MCPH1: variants seen among roughly 807,000 people sequenced by gnomAD.
MCPH1 encodes microcephalin.
A neutral mutation model predicts 84.5 loss-of-function variants in MCPH1; 104 were observed. The observed-to-expected ratio is 1.23, with a 90% CI of 1.05 to 1.45. The LOEUF (loss-of-function observed/expected upper bound fraction) is 1.45. MCPH1 is among the 40% of genes most tolerant of loss of function. The probability of loss-of-function intolerance (pLI) is 0.00; values close to 1 mark genes in which losing one functional copy is unlikely to be tolerated. For missense variants in MCPH1, 1,498 were observed against 1,005.7 expected (o/e 1.49, Z -6.62); for synonymous variants, 514 against 366.8 (o/e 1.40, Z -4.58).
At position 6,408,804 on chromosome 8, in the gene MCPH1, C is replaced by T. The variant is rs78131140; in HGVS notation, c.23-475C>T. Among the ~76,000 whole-genome samples, 3,399 of 152,254 alleles carry T rather than the reference C, an allele frequency of 0.022. 252 individuals carry two copies. In the East Asian group the frequency reaches 0.25, roughly 11 times the overall value. On this transcript the variant is annotated intron_variant, in intron 1 of 13. Coordinates refer to ENST00000344683, the MANE Select transcript of MCPH1 (RefSeq NM_024596.5). ...TCTCAAACTTCTGTGCCCAAGTGAT[C>T]CCACTGCCTTGGCCTTCCAGAGTGC...
At chr8:6,641,867 T>C (rs1467527799) in intron 13 of MCPH1, among the ~76,000 whole-genome samples, 1 of 152,224 alleles carries the variant, frequency 6.6e-6, no homozygotes, top group Non-Finnish European at 1.5e-5. Flanking sequence ...CTATATCATT[T>C]CTTATATATA....
intron 12 of MCPH1, among the ~76,000 whole-genome samples, chr8:6,575,028 G>A (rs1321388771): frequency 1.3e-5 from 2 of 152,226 alleles, no homozygotes; most frequent in Non-Finnish European, 2.9e-5. Context: ...CAGCTGCACA[G>A]ATAGGATTCT....
chr8:6,647,907 C>G lies in MCPH1; in HGVS notation c.*4858C>G, dbSNP rs1277978443. ...AGCCTTAAGGCATGTGAATTATACA[C>G]CAATAAAGCTATTTTTTTTAAAAAA... On this transcript the variant is annotated 3_prime_UTR_variant, in exon 14 of 14. Transcript: ENST00000344683. The G allele has an allele frequency of 6.6e-6, 1 of 151,686 alleles. No homozygotes were observed. The highest frequency in any genetic ancestry group is 1.5e-5 in the Non-Finnish European group (1 of 67,920). The allele number at this position is 151,686 out of a possible 1,614,324, so 9.4% of individuals were successfully genotyped here.
At chr8:6,640,752 C>T (rs528423139) in intron 13 of MCPH1, among the ~76,000 whole-genome samples, 1 of 152,300 alleles carries the variant, frequency 6.6e-6, no homozygotes, top group South Asian at 2.1e-4. Context: ...AAAGGCCTTC[C>T]TCACCCTCTG....
At chr8:6,502,312 ATTTAATTACTAAAAATACCTT>A (rs1367853701) in intron 12 of MCPH1, 2 of 152,198 alleles carry the variant, frequency 1.3e-5, no homozygotes, top group African/African-American at 4.8e-5. Context: ...AATAAGTTAT[ATTTAATTACTAAAAATACCTT>A]CATATTTAAC....
intron 12 of MCPH1, among the ~76,000 whole-genome samples, chr8:6,554,271 G>C (rs1005460105): frequency 1.3e-5 from 2 of 149,646 alleles, no homozygotes; most frequent in Non-Finnish European, 3.0e-5. Context: ...ACAAAATTGA[G>C]AAATAGACCC....
intron 2 of MCPH1, among the ~76,000 whole-genome samples, chr8:6,412,066 T>C (rs1362765077): frequency 6.6e-6 from 1 of 152,132 alleles, no homozygotes; most frequent in Non-Finnish European, 1.5e-5. Context: ...TAAGAGGCGC[T>C]CACCACCAGG....
Position 6,545,630 on chromosome 8 carries a change from G to A in MCPH1, c.2214+45701G>A, listed in dbSNP as rs915915485. Among the ~76,000 whole-genome samples, 10 of 152,292 alleles carry A rather than the reference G, an allele frequency of 6.6e-5. No individual in the cohort carries two copies. The East Asian group carries it at 1.2e-3, about 18-fold the overall frequency. ...CAAAACACGATTCTTTCCGGATCAA[G>A]CATAAAAGGCATTTGCTCTTGGAAG... On this transcript the variant is annotated intron_variant, in intron 12 of 13. Transcript: ENST00000344683.
rs73664543 is a variant in MCPH1 at position 6,545,967 on chromosome 8, C to T, written c.2214+46038C>T. ...ATATTGAATTGAGTTGGGGAAGTAGCGATATTTGTGACATTGGAAGCCATT... is the reference window on the plus strand; with the variant it reads ...ATATTGAATTGAGTTGGGGAAGTAGTGATATTTGTGACATTGGAAGCCATT... On this transcript the variant is annotated intron_variant, in intron 12 of 13. Coordinates refer to ENST00000344683, the MANE Select transcript of MCPH1 (RefSeq NM_024596.5). Among the ~76,000 whole-genome samples, 1,172 of 152,192 alleles carry T rather than the reference C, an allele frequency of 7.7e-3. 18 individuals carry two copies. The highest frequency in any genetic ancestry group is 0.027 in the African/African-American group (1,109 of 41,502).
chr8:6,549,394 A>C (rs1823192054), intron 12 of MCPH1, among the ~76,000 whole-genome samples: 1 of 152,224 alleles, frequency 6.6e-6, no homozygotes, highest in African/African-American at 2.4e-5. Context: ...AAACCTAGCA[A>C]AATTAACCCA....
intron 3 of MCPH1, among the ~76,000 whole-genome samples, chr8:6,428,411 G>A (rs1000512222): frequency 6.6e-6 from 1 of 151,904 alleles, no homozygotes; most frequent in Admixed American, 6.5e-5. Flanking sequence ...TGACCAAAAG[G>A]TTGTTATGCG....
At chr8:6,631,130 ACCCAGTT>A (rs938471825) in intron 13 of MCPH1, among the ~76,000 whole-genome samples, 36 of 152,328 alleles carry the variant, frequency 2.4e-4, no homozygotes, top group African/African-American at 4.8e-4. Context: ...CATGGTGGCA[ACCCAGTT>A]CCCAGTTCCC....
At position 6,566,983 on chromosome 8, in the gene MCPH1, G is replaced by A. The variant is rs1225072690; in HGVS notation, c.2215-54471G>A. On this transcript the variant is annotated intron_variant, in intron 12 of 13. Coordinates refer to ENST00000344683, the MANE Select transcript of MCPH1 (RefSeq NM_024596.5). ...AGGCCATGGATAGTACACGCGGTGC[G>A]GTGACGGTGTGTGATCGGCAAGGCC... 4.9e-5 allele frequency among the ~76,000 whole-genome samples: 7 copies of A among 144,252 alleles called. 2 individuals are homozygous for A. Among genetic ancestry groups the A allele is most frequent in the Non-Finnish European group, 1.1e-4 (7 of 66,116 alleles). The allele number at this position is 144,252 out of a possible 152,430, so 94.6% of individuals were successfully genotyped here.
chr8:6,410,444 A>G (rs1798377938), intron 2 of MCPH1, among the ~76,000 whole-genome samples: 2 of 152,222 alleles, frequency 1.3e-5, no homozygotes, highest in South Asian at 2.1e-4. Flanking sequence ...ATGGGCAGGA[A>G]TCATTGAGCT....
At chr8:6,547,285 G>C (rs549557553) in intron 12 of MCPH1, among the ~76,000 whole-genome samples, 1 of 152,190 alleles carries the variant, frequency 6.6e-6, no homozygotes, top group East Asian at 1.9e-4. Flanking sequence ...CCAAATGCTT[G>C]TGGTAAAAGT....
intron 12 of MCPH1, among the ~76,000 whole-genome samples, chr8:6,533,569 C>CTT (rs56882906): frequency 0.26 from 29,249 of 112,668 alleles, 4,154 homozygotes; most frequent in East Asian, 0.39. Flanking sequence ...CGTTTAGTTT[C>CTT]TTTTTTTTTT....
At chr8:6,579,790 T>C (rs1311432387) in intron 12 of MCPH1, among the ~76,000 whole-genome samples, 1 of 152,152 alleles carries the variant, frequency 6.6e-6, no homozygotes, top group African/African-American at 2.4e-5. Flanking sequence ...GGTTCTTAGT[T>C]ATCAGCAAGG....
intron 12 of MCPH1, among the ~76,000 whole-genome samples, chr8:6,553,981 T>C (rs565695467): frequency 2.0e-5 from 3 of 152,050 alleles, no homozygotes; most frequent in East Asian, 3.9e-4. Context: ...TTGGATACTG[T>C]TAGTGACATA....
chr8:6,570,803 G>GTTTTTTTT (rs10548398), intron 12 of MCPH1, among the ~76,000 whole-genome samples: 1 of 108,714 alleles, frequency 9.2e-6, no homozygotes, highest in Non-Finnish European at 1.9e-5. Context: ...ATGGATTGTT[G>GTTTTTTTT]TTTTTTTTTT....
Sources: allele counts gnomAD v4.1 joint callset (sites outside exome capture counted in the v4.1 genomes callset), GRCh38; gene constraint gnomAD v4.1.1; transcripts MANE v1.5; gene names NCBI Gene and HGNC (gene_info 2026-07-23, HGNC 2026-07-21).